The following RANBP9 variants were observed in gnomAD, a reference collection of about 807,000 sequenced individuals.
RANBP9 encodes the protein ran-binding protein 9.
RANBP9 carries 15 observed loss-of-function variants against 84.3 expected under a neutral mutation model. The observed-to-expected ratio is 0.18, with a 90% CI of 0.12 to 0.27. The LOEUF (loss-of-function observed/expected upper bound fraction) is 0.27. Ranked by LOEUF, RANBP9 falls within the 10% of genes least tolerant of loss-of-function variation. The probability of loss-of-function intolerance (pLI) is 1.00; values close to 1 mark genes in which losing one functional copy is unlikely to be tolerated. For missense variants in RANBP9, 809 were observed against 912.8 expected (o/e 0.89, Z 1.46); for synonymous variants, 392 against 349.6 (o/e 1.12, Z -1.35).
At chr6:13,677,141 A>C (rs1038701922) in intron 2 of RANBP9, among the ~76,000 whole-genome samples, 7 of 152,200 alleles carry the variant, frequency 4.6e-5, no homozygotes, top group African/African-American at 1.2e-4. Flanking sequence ...ACCTCTTGGA[A>C]AAAATAAGCA....
rs374733943 is a variant in RANBP9, at chr6:13,625,781, G to C, written c.1948-17C>G. The C allele has an allele frequency of 2.6e-5, 40 of 1,525,774 alleles. No individual in the cohort carries two copies. Among genetic ancestry groups the C allele is most frequent in the Non-Finnish European group, 3.4e-5 (37 of 1,100,486 alleles). 94.5% of individuals were successfully genotyped at this position (1,525,774 alleles called of 1,614,324 possible). On this transcript the variant is annotated splice_polypyrimidine_tract_variant and intron_variant, in intron 12 of 13. Coordinates refer to ENST00000011619, the MANE Select transcript of RANBP9 (RefSeq NM_005493.3). ...GAATGCATCCTGTTGAAAACACATC[G>C]ATTTGGTTTTAATTCAAATAGTTCA...
chr6:13,691,830 T>C (rs1355465843), intron 2 of RANBP9, among the ~76,000 whole-genome samples: 1 of 152,110 alleles, frequency 6.6e-6, no homozygotes, highest in African/African-American at 2.4e-5. Context: ...CACGCCTGGC[T>C]AATTTTTTGT....
At position 13,657,181 on chromosome 6, in the gene RANBP9, C is replaced by T. The variant is rs767649381; in HGVS notation, c.832G>A (p.Gly278Ser). Residue 278 changes from glycine (G) to serine (S), a missense_variant, in exon 4 of 14, where the codon GGT becomes AGT. By Grantham distance (56) the Gly-to-Ser change is moderately conservative. Coordinates refer to ENST00000011619, the MANE Select transcript of RANBP9 (RefSeq NM_005493.3). ...TTAACACAACAGCCAATGACATCAC[C>T]AGTAGTGAAAGTTGGTCCATAAGGT... ...GQPYGPTFTT[G>S]DVIGCCVNLI... 1.9e-6 allele frequency: 3 copies of T among 1,613,048 alleles called. No individual in the cohort carries two copies. The highest frequency in any genetic ancestry group is 2.5e-6 in the Non-Finnish European group (3 of 1,179,388).
chr6:13,694,022 G>T (rs1422429586), intron 2 of RANBP9, among the ~76,000 whole-genome samples: 1 of 152,050 alleles, frequency 6.6e-6, no homozygotes, highest in Non-Finnish European at 1.5e-5. Flanking sequence ...CAGCCTGGGT[G>T]ACAGAGCGAG....
At chr6:13,663,885 T>A (rs1765588834) in intron 2 of RANBP9, among the ~76,000 whole-genome samples, 1 of 152,040 alleles carries the variant, frequency 6.6e-6, no homozygotes, top group African/African-American at 2.4e-5. Flanking sequence ...CAAGGGAACT[T>A]CCTCAACCTG....
At chr6:13,703,797 C>T (rs942981934) in intron 1 of RANBP9, among the ~76,000 whole-genome samples, 2 of 152,144 alleles carry the variant, frequency 1.3e-5, no homozygotes, top group African/African-American at 4.8e-5. Context: ...GTTAGAGTCC[C>T]CTTAACTCCA....
chr6:13,665,687 G>A (rs899195431), intron 2 of RANBP9, among the ~76,000 whole-genome samples: 2 of 152,140 alleles, frequency 1.3e-5, no homozygotes, highest in Non-Finnish European at 2.9e-5. Context: ...GTTCATGGCA[G>A]ATTTCTTCAC....
At chr6:13,692,527 C>CAAAAAAAAAA (rs61237158) in intron 2 of RANBP9, among the ~76,000 whole-genome samples, 3 of 28,726 alleles carry the variant, frequency 1.0e-4, no homozygotes, top group African/African-American at 1.3e-4. Flanking sequence ...AACTCCGTCT[C>CAAAAAAAAAA]AAAAAAAAAA....
At chr6:13,706,100 T>C (rs1238951241) in intron 1 of RANBP9, among the ~76,000 whole-genome samples, 2 of 152,062 alleles carry the variant, frequency 1.3e-5, no homozygotes, top group Admixed American at 6.6e-5. Context: ...TCCCAGCACT[T>C]TGGGAGGCCG....
intron 2 of RANBP9, among the ~76,000 whole-genome samples, chr6:13,665,455 C>A (rs1163720744): frequency 2.6e-5 from 4 of 151,990 alleles, no homozygotes; most frequent in African/African-American, 4.8e-5. Context: ...TGCATACCTG[C>A]CAGAATAATT....
At chr6:13,693,665 C>T (rs1178957720) in intron 2 of RANBP9, among the ~76,000 whole-genome samples, 1 of 152,126 alleles carries the variant, frequency 6.6e-6, no homozygotes, top group East Asian at 1.9e-4. Flanking sequence ...ACTCAACAAG[C>T]ACATGAAACA....
chr6:13,711,613 C>G lies in RANBP9; in HGVS notation c.-108G>C. On this transcript the variant is annotated 5_prime_UTR_variant, in exon 1 of 14. Coordinates refer to ENST00000011619, the MANE Select transcript of RANBP9 (RefSeq NM_005493.3). ...GCCGGCACCAGGCGCCCAGTCCGCC[C>G]GCCCCGGAAGCAGGCGGCGGGCCGC... 9.2e-7 allele frequency: 1 copy of G among 1,083,644 alleles called. No homozygotes were observed. Among genetic ancestry groups the G allele is most frequent in the Non-Finnish European group, 1.2e-6 (1 of 868,136 alleles). 67.1% of individuals were successfully genotyped at this position (1,083,644 alleles called of 1,614,324 possible). A position where few individuals can be genotyped will look rare whatever the true frequency, so the allele number is the denominator to read the frequency against.
chr6:13,706,675 G>A (rs1758131579), intron 1 of RANBP9, among the ~76,000 whole-genome samples: 1 of 147,298 alleles, frequency 6.8e-6, no homozygotes, highest in Non-Finnish European at 1.5e-5. Context: ...CCTGACAACA[G>A]CAGAGCGAGA....
rs1227603413 is a variant in RANBP9, at chr6:13,671,000, A to G, written c.684-12168T>C. On this transcript the variant is annotated intron_variant, in intron 2 of 13. Transcript: ENST00000011619. ...AGCTCAATAAAAGGAAAACCCTACT[A>G]AAACAATGGGCAAAGGATCTGAATA... is the stretch of plus-strand genomic sequence containing the variant. Among the ~76,000 whole-genome samples, 9 of 152,272 alleles carry G rather than the reference A, an allele frequency of 5.9e-5. No individual in the cohort carries two copies. In the East Asian group the frequency reaches 1.3e-3, roughly 23 times the overall value.
intron 2 of RANBP9, among the ~76,000 whole-genome samples, chr6:13,689,279 T>G (rs2113345078): frequency 6.6e-6 from 1 of 151,836 alleles, no homozygotes; most frequent in African/African-American, 2.4e-5. Flanking sequence ...TTTCCTTTTT[T>G]TTTTTTTTGA....
In RANBP9 at chr6:13,711,615, C is replaced by T; in HGVS notation, c.-110G>A. The T allele has an allele frequency of 9.3e-7, 1 of 1,074,302 alleles. No individual in the cohort carries two copies. The highest frequency in any genetic ancestry group is 1.2e-6 in the Non-Finnish European group (1 of 859,736). 66.5% of individuals were successfully genotyped at this position (1,074,302 alleles called of 1,614,324 possible). On this transcript the variant is annotated 5_prime_UTR_variant, in exon 1 of 14. Coordinates refer to ENST00000011619, the MANE Select transcript of RANBP9 (RefSeq NM_005493.3). Reference sequence around the variant, plus strand: ...CGGCACCAGGCGCCCAGTCCGCCCGCCCCGGAAGCAGGCGGCGGGCCGCGC... The same window carrying T: ...CGGCACCAGGCGCCCAGTCCGCCCGTCCCGGAAGCAGGCGGCGGGCCGCGC...
In RANBP9 at chr6:13,711,342, G is replaced by A; in HGVS notation, c.164C>T (p.Ala55Val). Residue 55 changes from alanine (A) to valine (V), a missense_variant, in exon 1 of 14, where the codon GCG becomes GTG. This residue lies in a region of RANBP9 where 302 missense variants were observed against 240.1 expected (regional missense o/e 1.26). Transcript: ENST00000011619. ...CGCGGCCCCTAAGCCTTCGCCGCCC[G>A]CACCGCCGCCGGGCGAGCCGGCCGG... is the stretch of plus-strand genomic sequence containing the variant. ...SSPAGSPGGG[A>V]GGEGLGAAAA... 2.7e-6 allele frequency: 3 copies of A among 1,129,084 alleles called. No individual in the cohort carries two copies. Among genetic ancestry groups the A allele is most frequent in the Non-Finnish European group, 3.3e-6 (3 of 922,898 alleles). The allele number at this position is 1,129,084 out of a possible 1,614,324, so 69.9% of individuals were successfully genotyped here. A position where few individuals can be genotyped will look rare whatever the true frequency, so the allele number is the denominator to read the frequency against.
At chr6:13,629,921 CGTG>C (rs1448069757) in intron 12 of RANBP9, among the ~76,000 whole-genome samples, 5 of 128,428 alleles carry the variant, frequency 3.9e-5, no homozygotes, top group African/African-American at 1.1e-4. Context: ...CTCTCTCTCT[CGTG>C]TGTGTGTGTG....
At chr6:13,678,663 G>A (rs1465600161) in intron 2 of RANBP9, among the ~76,000 whole-genome samples, 1 of 152,060 alleles carries the variant, frequency 6.6e-6, no homozygotes, top group East Asian at 1.9e-4. Context: ...GCCCTCCCTT[G>A]CCTTTCCCAG....
Sources: gnomAD v4.1 joint callset for allele counts (sites outside exome capture counted in the v4.1 genomes callset) on GRCh38, gnomAD v4.1.1 for gene constraint, gnomAD v4.1.1 regional missense constraint, MANE v1.5 for transcripts, NCBI Gene and HGNC (gene_info 2026-07-23, HGNC 2026-07-21) for gene names.